Variants in MTUS2 observed in about 807,000 individuals in gnomAD.
MTUS2 encodes microtubule associated scaffold protein 2.
MTUS2 carries 40 observed loss-of-function variants against 114.1 expected under a neutral mutation model. The observed-to-expected ratio is 0.35, with a 90% confidence interval of 0.27 to 0.46. MTUS2 has a LOEUF of 0.46. Among genes scored for constraint, MTUS2 ranks in the 20% least tolerant of loss-of-function variants. MTUS2 has a pLI of 1.00. For missense variants in MTUS2, 1,679 were observed against 1,705.4 expected, an observed-to-expected ratio of 0.98 and a Z score of 0.27; for synonymous variants, 688 against 672.0, an observed-to-expected ratio of 1.02 and a Z score of -0.37.
chr13:29,214,810 A>G (rs572887053), intron 5 of MTUS2, among the ~76,000 whole-genome samples: 1 of 151,888 alleles, frequency 6.6e-6, no homozygotes, highest in South Asian at 2.1e-4. Context: ...CTTTGTTTCA[A>G]CCTTGGTGAA....
At chr13:29,231,705 T>C (rs1410305342) in intron 5 of MTUS2, among the ~76,000 whole-genome samples, 2 of 152,228 alleles carry the variant, frequency 1.3e-5, no homozygotes, top group Admixed American at 6.5e-5. Flanking sequence ...TTGTTCACAT[T>C]CAGAAACAAA....
At chr13:29,004,138 A>G (rs896030691) in intron 2 of MTUS2, among the ~76,000 whole-genome samples, 5 of 152,192 alleles carry the variant, frequency 3.3e-5, no homozygotes, top group Admixed American at 2.0e-4. Flanking sequence ...AAATAATTCT[A>G]CAATGTGGCT....
chr13:29,109,893 A>G (rs998126499), intron 5 of MTUS2, among the ~76,000 whole-genome samples: 1 of 152,230 alleles, frequency 6.6e-6, no homozygotes, highest in African/African-American at 2.4e-5. Context: ...TTGAATTTTT[A>G]TAACAACCTC....
intron 2 of MTUS2, among the ~76,000 whole-genome samples, chr13:28,895,219 A>C (rs974461422): frequency 3.9e-5 from 6 of 152,204 alleles, no homozygotes; most frequent in Admixed American, 2.6e-4. Flanking sequence ...CTCCCTTAGA[A>C]TGCAGTTTCA....
At chr13:29,378,559 G>A (rs1022661116) in intron 8 of MTUS2, among the ~76,000 whole-genome samples, 1 of 152,048 alleles carries the variant, frequency 6.6e-6, no homozygotes, top group African/African-American at 2.4e-5. Context: ...ATGGCCCAGA[G>A]CTCGGCAAAA....
intron 2 of MTUS2, among the ~76,000 whole-genome samples, chr13:28,927,953 T>C (rs549757405): frequency 3.6e-4 from 54 of 151,788 alleles, no homozygotes; most frequent in African/African-American, 1.3e-3. Flanking sequence ...AACCCAGAAA[T>C]AAAATCACAC....
At chr13:28,847,889 C>T (rs144762618) in intron 2 of MTUS2, among the ~76,000 whole-genome samples, 195 of 152,090 alleles carry the variant, frequency 1.3e-3, no homozygotes, top group African/African-American at 4.5e-3. Flanking sequence ...GGGAGGAGAG[C>T]GGGAAGGAGG....
At chr13:29,357,331 A>G (rs1869833660) in intron 7 of MTUS2, among the ~76,000 whole-genome samples, 1 of 152,356 alleles carries the variant, frequency 6.6e-6, no homozygotes, top group Non-Finnish European at 1.5e-5. Flanking sequence ...TCTCTGTACC[A>G]TAGGTTACAA....
chr13:29,081,299 A>T (rs2138730042), intron 4 of MTUS2, among the ~76,000 whole-genome samples: 1 of 152,270 alleles, frequency 6.6e-6, no homozygotes, highest in African/African-American at 2.4e-5. Flanking sequence ...AGTGAGGCTG[A>T]AAAAGATGAC....
chr13:29,354,240 A>ATTTTTTT (rs5802516), intron 7 of MTUS2, among the ~76,000 whole-genome samples: 17 of 120,374 alleles, frequency 1.4e-4, no homozygotes, highest in African/African-American at 5.3e-4. Context: ...TATTTTGGGC[A>ATTTTTTT]TTTTTTTTTT....
chr13:29,448,468 G>C (rs1179861383), intron 9 of MTUS2, among the ~76,000 whole-genome samples: 2 of 152,196 alleles, frequency 1.3e-5, no homozygotes, highest in Non-Finnish European at 2.9e-5. Flanking sequence ...AGCCACAGTG[G>C]AAATGGGGAA....
chr13:29,033,507 A>G (rs528965828), intron 3 of MTUS2, among the ~76,000 whole-genome samples: 45 of 152,152 alleles, frequency 3.0e-4, no homozygotes, highest in Non-Finnish European at 5.6e-4. Context: ...TCCCACAGGT[A>G]TAATAAAACT....
chr13:29,158,088 A>T (rs1276469647), intron 5 of MTUS2, among the ~76,000 whole-genome samples: 1 of 152,206 alleles, frequency 6.6e-6, no homozygotes, highest in Non-Finnish European at 1.5e-5. Flanking sequence ...TGACTGCTGC[A>T]AATAATCTTC....
rs1375966869 is a variant in MTUS2 at position 29,504,216 on chromosome 13, G to A, written c.*1010G>A. The A allele has an allele frequency of 4.3e-6, 1 of 232,202 alleles. No homozygotes were observed. The highest frequency in any genetic ancestry group is 2.2e-5 in the African/African-American group (1 of 45,202). 14.4% of individuals were successfully genotyped at this position (232,202 alleles called of 1,614,324 possible). On this transcript the variant is annotated 3_prime_UTR_variant, in exon 16 of 16. Coordinates refer to ENST00000612955, the MANE Select transcript of MTUS2 (RefSeq NM_001033602.4). ...CTGTATTTTGACCAGGCACAGAGGG[G>A]GAACATCACTCCAGCTTTCCATGTG...
Position 29,492,797 on chromosome 13 carries a change from A to G in MTUS2, c.3579+78A>G. The G allele has an allele frequency of 3.6e-6, 4 of 1,118,298 alleles. No homozygotes were observed. The South Asian group carries it at 5.1e-5, about 14-fold the overall frequency. 69.3% of individuals were successfully genotyped at this position (1,118,298 alleles called of 1,614,324 possible). On this transcript the variant is annotated intron_variant, in intron 12 of 15. Transcript: ENST00000612955. ...TATTCCCACCCACAAACATTCATTC[A>G]GCACCTACTGTGTACTAAATCCTGT... is the stretch of plus-strand genomic sequence containing the variant.
At chr13:29,328,565 G>T (rs1335539827) in intron 7 of MTUS2, among the ~76,000 whole-genome samples, 1 of 152,158 alleles carries the variant, frequency 6.6e-6, no homozygotes, top group African/African-American at 2.4e-5. Flanking sequence ...AAGCTAAGGG[G>T]GTTGTGGAGA....
intron 2 of MTUS2, among the ~76,000 whole-genome samples, chr13:29,011,775 G>A (rs1243017856): frequency 1.3e-5 from 2 of 152,212 alleles, no homozygotes; most frequent in Non-Finnish European, 2.9e-5. Flanking sequence ...ACATGAAAGT[G>A]TATACCTTTC....
chr13:29,048,989 G>A (rs1303386810), intron 4 of MTUS2, among the ~76,000 whole-genome samples: 1 of 152,186 alleles, frequency 6.6e-6, no homozygotes, highest in Non-Finnish European at 1.5e-5. Context: ...TCTGGGTTTT[G>A]CTTTTCAGCC....
chr13:29,010,015 G>T (rs1184820321), intron 2 of MTUS2, among the ~76,000 whole-genome samples: 1 of 152,098 alleles, frequency 6.6e-6, no homozygotes, highest in East Asian at 1.9e-4. Flanking sequence ...TTCGAGACCA[G>T]CCTGGCCAAT....
Sources: allele counts gnomAD v4.1 joint callset (sites outside exome capture counted in the v4.1 genomes callset), GRCh38; gene constraint gnomAD v4.1.1; transcripts MANE v1.5; gene names NCBI Gene and HGNC (gene_info 2026-07-23, HGNC 2026-07-21).